The following SORBS2 variants were observed in gnomAD, a reference collection of about 807,000 sequenced individuals.
SORBS2 encodes sorbin and SH3 domain containing 2, also known as sorbin and SH3 domain-containing protein 2.
A neutral mutation model predicts 97.7 loss-of-function variants in SORBS2; 46 were observed. The observed-to-expected ratio is 0.47, with a 90% CI of 0.37 to 0.60. The LOEUF is 0.60. Ranked by LOEUF, SORBS2 falls within the 20% of genes least tolerant of loss-of-function variation. The pLI, the probability that SORBS2 is intolerant of heterozygous loss-of-function variation, is 0.00. For missense variants in SORBS2, 1,316 were observed against 1,282.3 expected (o/e 1.03, Z -0.40); for synonymous variants, 476 against 473.4 (o/e 1.01, Z -0.07).
At chr4:185,736,394 G>A (rs2098687916) in intron 2 of SORBS2, among the ~76,000 whole-genome samples, 1 of 152,176 alleles carries the variant, frequency 6.6e-6, no homozygotes, top group Non-Finnish European at 1.5e-5. Context: ...AGTGCCCTGG[G>A]CCTGCAAAGG....
intron 2 of SORBS2, among the ~76,000 whole-genome samples, chr4:185,685,495 G>T (rs1386477174): frequency 6.6e-6 from 1 of 152,142 alleles, no homozygotes; most frequent in Non-Finnish European, 1.5e-5. Flanking sequence ...GTATCGAAAT[G>T]ACCATGTTTA....
rs192257848 is a variant in SORBS2, at chr4:185,911,799, T to C, written c.-338+44397A>G. Among the ~76,000 whole-genome samples, 14 of 152,220 alleles carry C rather than the reference T, an allele frequency of 9.2e-5. No homozygotes were observed. In the East Asian group the frequency reaches 2.7e-3, roughly 29 times the overall value. On this transcript the variant is annotated intron_variant, in intron 1 of 20. Transcript: ENST00000284776. ...TGACAAGGATCTCTTGCAGAAAAAA[T>C]AGAAGACCTGGCTGGGTTCTGAAAA...
At chr4:185,855,033 T>C (rs1319643009) in intron 1 of SORBS2, among the ~76,000 whole-genome samples, 1 of 152,146 alleles carries the variant, frequency 6.6e-6, no homozygotes, top group East Asian at 1.9e-4. Context: ...CACACTTAAA[T>C]GACATAATAA....
intron 1 of SORBS2, among the ~76,000 whole-genome samples, chr4:185,778,371 G>C (rs1010013724): frequency 1.3e-5 from 2 of 152,116 alleles, no homozygotes; most frequent in Non-Finnish European, 2.9e-5. Context: ...TTTGAAAACC[G>C]CTGGTCTTGG....
chr4:185,896,688 T>C (rs2149816545), intron 1 of SORBS2, among the ~76,000 whole-genome samples: 1 of 152,262 alleles, frequency 6.6e-6, no homozygotes, highest in South Asian at 2.1e-4. Flanking sequence ...AGAACTACTG[T>C]GTAGTGTAAC....
chr4:185,849,339 G>A (rs149697140), intron 1 of SORBS2, among the ~76,000 whole-genome samples: 1 of 152,250 alleles, frequency 6.6e-6, no homozygotes, highest in East Asian at 1.9e-4. Flanking sequence ...TCAGCCCATT[G>A]TATTTTGAAG....
chr4:185,781,513 A>C (rs1464722197), intron 1 of SORBS2, among the ~76,000 whole-genome samples: 2 of 150,520 alleles, frequency 1.3e-5, no homozygotes, highest in African/African-American at 2.4e-5. Flanking sequence ...CCTCCCTTCC[A>C]TTGCCTCCCG....
chr4:185,649,342 A>T, intron 3 of SORBS2, 125 bp downstream of exon 12: 1 of 776,804 alleles, frequency 1.3e-6, no homozygotes, highest in Non-Finnish European at 2.0e-6. Flanking sequence ...TGGTATATGT[A>T]TAGACTAGCA....
exon 15 of SORBS2, chr4:185,586,942 T>G (rs1335765488): frequency 1.3e-5 from 2 of 152,674 alleles, no homozygotes; most frequent in Non-Finnish European, 2.9e-5. Flanking sequence ...CTGTTTGCAC[T>G]TCTAAAAAAT....
At chr4:185,884,418 G>A (rs2099238333) in intron 1 of SORBS2, among the ~76,000 whole-genome samples, 1 of 152,072 alleles carries the variant, frequency 6.6e-6, no homozygotes, top group African/African-American at 2.4e-5. Flanking sequence ...ATGCATTTCT[G>A]TATTTCTTGA....
chr4:185,702,825 A>G (rs2098283752), intron 2 of SORBS2, among the ~76,000 whole-genome samples: 1 of 152,144 alleles, frequency 6.6e-6, no homozygotes, highest in Admixed American at 6.5e-5. Flanking sequence ...ATGGTTTGAA[A>G]TTTTGCTAAA....
At chr4:185,892,320 G>A (rs1474371873) in intron 1 of SORBS2, among the ~76,000 whole-genome samples, 1 of 152,140 alleles carries the variant, frequency 6.6e-6, no homozygotes, top group Non-Finnish European at 1.5e-5. Flanking sequence ...TATCTTTAAG[G>A]GGCAAAGGAG....
exon 15 of SORBS2, chr4:185,587,430 G>A (rs2095813190): frequency 1.7e-6 from 1 of 588,142 alleles, no homozygotes; most frequent in Admixed American, 2.9e-5. Flanking sequence ...CTTTCACGGA[G>A]GGGGACCAGC....
At chr4:185,788,774 G>T (rs960063042) in intron 1 of SORBS2, among the ~76,000 whole-genome samples, 1 of 152,314 alleles carries the variant, frequency 6.6e-6, no homozygotes, top group African/African-American at 2.4e-5. Context: ...CACCAACGGT[G>T]CCCATCACTG....
chr4:185,874,842 G>A (rs200593294), intron 1 of SORBS2, among the ~76,000 whole-genome samples: 23,345 of 134,986 alleles, frequency 0.17, 2,659 homozygotes, highest in East Asian at 0.49. Flanking sequence ...ACTATTATTG[G>A]TTTTACCTTA....
chr4:185,685,920 T>C (rs1473512001), intron 2 of SORBS2, among the ~76,000 whole-genome samples: 1 of 152,248 alleles, frequency 6.6e-6, no homozygotes, highest in Non-Finnish European at 1.5e-5. Flanking sequence ...TCAGCCATTT[T>C]AATGTGCTAT....
intron 2 of SORBS2, among the ~76,000 whole-genome samples, chr4:185,707,842 G>A (rs1239990472): frequency 2.0e-5 from 3 of 152,070 alleles, no homozygotes; most frequent in Non-Finnish European, 2.9e-5. Context: ...AGAACAGCAC[G>A]AGAAAGACGC....
chr4:185,706,472 A>G (rs1418288309), intron 2 of SORBS2, among the ~76,000 whole-genome samples: 1 of 152,230 alleles, frequency 6.6e-6, no homozygotes, highest in African/African-American at 2.4e-5. Context: ...TCTCAAGTAT[A>G]CACAAATGGA....
rs550583156 is a variant in SORBS2, at chr4:185,686,886, G to A, written c.-197-8064C>T. On this transcript the variant is annotated intron_variant, in intron 2 of 20. Coordinates refer to the SORBS2 transcript ENST00000284776. ...AGTTCCTGTTTTTAAGGAAAACACA[G>A]TGCTAACTGTTGGACACTCAATGAA... 2.5e-3 allele frequency among the ~76,000 whole-genome samples: 375 copies of A among 152,300 alleles called. 4 individuals are homozygous for A. Among genetic ancestry groups the A allele is most frequent in the Non-Finnish European group, 4.7e-3 (323 of 68,018 alleles).
Sources: allele counts gnomAD v4.1 joint callset (sites outside exome capture counted in the v4.1 genomes callset), GRCh38; gene constraint gnomAD v4.1.1; transcripts MANE v1.5; gene names NCBI Gene and HGNC (gene_info 2026-07-23, HGNC 2026-07-21).